The following ANKRD29 variants were observed in gnomAD, a reference collection of about 807,000 sequenced individuals.
ANKRD29 encodes ankyrin repeat domain-containing protein 29.
In ANKRD29, 32 loss-of-function variants were observed where a neutral mutation model predicts 38.0. That is an observed-to-expected ratio of 0.84 (90% confidence interval 0.64 to 1.13). ANKRD29 has a LOEUF of 1.13. Ranked by LOEUF, ANKRD29 falls within the 50% of genes most tolerant of loss-of-function variation. ANKRD29 has a pLI of 0.00. For missense variants in ANKRD29, 357 were observed against 377.9 expected, an observed-to-expected ratio of 0.94 and a Z score of 0.46; for synonymous variants, 135 against 152.4, an observed-to-expected ratio of 0.89 and a Z score of 0.84.
chr18:23,615,879 T>A (rs2059703765), intron 8 of ANKRD29, among the ~76,000 whole-genome samples: 1 of 148,024 alleles, frequency 6.8e-6, no homozygotes, highest in Non-Finnish European at 1.5e-5. Flanking sequence ...CTCTATAGTA[T>A]ATATAGTATA....
At chr18:23,620,981 C>T (rs2059790336) in intron 6 of ANKRD29, among the ~76,000 whole-genome samples, 5 of 152,148 alleles carry the variant, frequency 3.3e-5, no homozygotes, top group Non-Finnish European at 1.5e-5. Context: ...CCAGCTGCAA[C>T]CCTGGGGTGT....
intron 9 of ANKRD29, among the ~76,000 whole-genome samples, chr18:23,606,776 A>G (rs2059579867): frequency 6.6e-6 from 1 of 152,194 alleles, no homozygotes; most frequent in Non-Finnish European, 1.5e-5. Context: ...AGGCAGGAGT[A>G]TCACTTAAGC....
intron 6 of ANKRD29, 78 bp from the exon 7 acceptor site, chr18:23,619,707 G>A: frequency 1.6e-6 from 2 of 1,281,748 alleles, no homozygotes; most frequent in Non-Finnish European, 2.1e-6. Flanking sequence ...TTAACACCAG[G>A]GGTCTGAAAG....
chr18:23,648,671 G>C, intron 2 of ANKRD29: 1 of 389,704 alleles, frequency 2.6e-6, no homozygotes, highest in Non-Finnish European at 4.5e-6. Context: ...CCTGGGGGAG[G>C]CTTCAATTTT....
intron 4 of ANKRD29, among the ~76,000 whole-genome samples, chr18:23,635,993 A>G (rs578210781): frequency 6.6e-6 from 1 of 152,298 alleles, no homozygotes; most frequent in South Asian, 2.1e-4. Flanking sequence ...GCATCACAGA[A>G]TTGCGTAACA....
chr18:23,616,817 ATATAAT>A (rs1327514303), intron 8 of ANKRD29, among the ~76,000 whole-genome samples: 8 of 148,018 alleles, frequency 5.4e-5, no homozygotes, highest in Admixed American at 1.4e-4. Flanking sequence ...ATAATCAATA[ATATAAT>A]TATATTAGTA....
chr18:23,614,862 T>C (rs1188104813), intron 8 of ANKRD29, among the ~76,000 whole-genome samples: 1 of 152,162 alleles, frequency 6.6e-6, no homozygotes, highest in Non-Finnish European at 1.5e-5. Context: ...AGGTTTTATA[T>C]ACATTGATAG....
chr18:23,611,005 AG>A (rs1311761480), intron 9 of ANKRD29, among the ~76,000 whole-genome samples: 14 of 152,256 alleles, frequency 9.2e-5, no homozygotes, highest in African/African-American at 3.1e-4. Flanking sequence ...GACCTTTCCT[AG>A]GCTACTCTCC....
chr18:23,602,309 T>C (rs1387755757), intron 9 of ANKRD29, among the ~76,000 whole-genome samples: 4 of 152,120 alleles, frequency 2.6e-5, no homozygotes, highest in Non-Finnish European at 5.9e-5. Context: ...GTGCTGGGAT[T>C]ACAGGTGTGA....
At chr18:23,612,336 A>C (rs1351360307) in intron 8 of ANKRD29, 146 bp from the exon 9 acceptor site, 1 of 643,802 alleles carries the variant, frequency 1.6e-6, no homozygotes. Context: ...TCAAAGTCAC[A>C]TCAGCCCCTA....
At chr18:23,623,466 G>A (rs894608697) in intron 6 of ANKRD29, among the ~76,000 whole-genome samples, 2 of 151,722 alleles carry the variant, frequency 1.3e-5, no homozygotes, top group African/African-American at 4.8e-5. Context: ...TTTCCTTCTG[G>A]TATAATGGTT....
rs147241125 is a variant in ANKRD29 at position 23,611,254 on chromosome 18, C to T, written c.822+838G>A. On this transcript the variant is annotated intron_variant, in intron 9 of 9. Coordinates refer to ENST00000592179, the MANE Select transcript of ANKRD29 (RefSeq NM_173505.4). ...CAAGCAATTTTCAAGATATGAACAT[C>T]GAACTTATGGGAATGGTGATAAACT... is the stretch of plus-strand genomic sequence containing the variant. Among the ~76,000 whole-genome samples the T allele has an allele frequency of 1.5e-3, 231 of 152,304 alleles. 3 individuals carry two copies. The highest frequency in any genetic ancestry group is 5.2e-3 in the African/African-American group (217 of 41,560).
At chr18:23,628,345 CCAGAGAA>C (rs1312793399) in intron 6 of ANKRD29, among the ~76,000 whole-genome samples, 1 of 152,084 alleles carries the variant, frequency 6.6e-6, no homozygotes, top group Non-Finnish European at 1.5e-5. Flanking sequence ...CTTCTAAAGA[CCAGAGAA>C]ACCTGTGTCC....
At chr18:23,620,503 C>G (rs891388) in intron 6 of ANKRD29, among the ~76,000 whole-genome samples, 73,802 of 151,938 alleles carry the variant, frequency 0.49, 20,060 homozygotes, top group East Asian at 0.86. Flanking sequence ...ACTGGGAAAG[C>G]CTTCCAATGT....
At chr18:23,634,182 G>GC (rs1195459477) in intron 4 of ANKRD29, 33 bp from the exon 5 acceptor site, 1 of 1,571,380 alleles carries the variant, frequency 6.4e-7, no homozygotes. Context: ...CACATTAGAG[G>GC]TGGCGCAGGC....
Position 23,649,415 on chromosome 18 carries a change from A to G in ANKRD29, c.22-222T>C, listed in dbSNP as rs946042745. ...GCTATGAAGAGCAGTGTTGTTGATA[A>G]TCCAGCACTATTAATAACCTATTTC... On this transcript the variant is annotated intron_variant, in intron 1 of 9. Coordinates refer to ENST00000592179, the MANE Select transcript of ANKRD29 (RefSeq NM_173505.4). The G allele has an allele frequency of 4.3e-6, 3 of 700,700 alleles. No individual in the cohort carries two copies. In the African/African-American group the frequency reaches 5.2e-5, roughly 12 times the overall value. 43.4% of individuals were successfully genotyped at this position (700,700 alleles called of 1,614,324 possible).
rs868226578 is a variant in ANKRD29, at chr18:23,662,805, C to G, written c.-75G>C. On this transcript the variant is annotated 5_prime_UTR_variant, in exon 1 of 10. Transcript: ENST00000592179. The stretch of plus-strand genomic sequence containing the variant: ...TTGTCCTCCCCGGCCCTTCACTCTC[C>G]CGGGGCTCTCGGCGTTCCGCAGAGG... 39 of 1,277,456 alleles carry G rather than the reference C, an allele frequency of 3.1e-5. No homozygotes were observed. The Admixed American group carries it at 5.7e-4, about 19-fold the overall frequency. 79.1% of individuals were successfully genotyped at this position (1,277,456 alleles called of 1,614,324 possible).
chr18:23,641,605 C>T lies in ANKRD29; in HGVS notation c.232-2658G>A, dbSNP rs868080056. 7.2e-5 allele frequency among the ~76,000 whole-genome samples: 11 copies of T among 152,314 alleles called. No individual in the cohort carries two copies. The Middle Eastern group carries it at 0.01, about 141-fold the overall frequency. On this transcript the variant is annotated intron_variant, in intron 3 of 9. Transcript: ENST00000592179. Reference sequence around the variant, plus strand: ...GGGCAGCTAGGTGTGGGCCTGTAGGCGCCCCTTGGCAGGAACAGCCTGGGT... The same window carrying T: ...GGGCAGCTAGGTGTGGGCCTGTAGGTGCCCCTTGGCAGGAACAGCCTGGGT...
intron 9 of ANKRD29, among the ~76,000 whole-genome samples, chr18:23,606,692 T>G (rs935608846): frequency 1.3e-5 from 2 of 152,098 alleles, no homozygotes; most frequent in Non-Finnish European, 2.9e-5. Context: ...AATGTTTGTA[T>G]AGAGGAATCA....
Sources: allele counts gnomAD v4.1 joint callset (sites outside exome capture counted in the v4.1 genomes callset), GRCh38; gene constraint gnomAD v4.1.1; transcripts MANE v1.5; gene names NCBI Gene and HGNC (gene_info 2026-07-23, HGNC 2026-07-21).